Variants in KCNAB2 observed in about 807,000 individuals in gnomAD.
The protein encoded by KCNAB2 is potassium voltage-gated channel subfamily A regulatory beta subunit 2.
A neutral mutation model predicts 63.6 loss-of-function variants in KCNAB2; 29 were observed. That is an observed-to-expected ratio of 0.46 (90% CI 0.34 to 0.62). The LOEUF (loss-of-function observed/expected upper bound fraction) is 0.62. Ranked by LOEUF, KCNAB2 falls within the 20% of genes least tolerant of loss-of-function variation. The pLI is 0.01. For missense variants in KCNAB2, 359 were observed against 563.9 expected, an observed-to-expected ratio of 0.64 and a Z score of 3.68; for synonymous variants, 222 against 224.2, an observed-to-expected ratio of 0.99 and a Z score of 0.09.
intron 1 of KCNAB2, among the ~76,000 whole-genome samples, chr1:6,011,592 C>T (rs973535976): frequency 2.0e-5 from 3 of 152,230 alleles, no homozygotes; most frequent in Admixed American, 6.5e-5. Flanking sequence ...GGCACTTGGA[C>T]GTCATGCTGA....
At chr1:6,083,289 C>T (rs1269093707) in intron 5 of KCNAB2, among the ~76,000 whole-genome samples, 1 of 152,168 alleles carries the variant, frequency 6.6e-6, no homozygotes, top group Non-Finnish European at 1.5e-5. Flanking sequence ...CCGTCCCGAG[C>T]CCCCCACCTC....
chr1:6,076,613 G>T (rs1663685568), intron 4 of KCNAB2, among the ~76,000 whole-genome samples: 1 of 152,252 alleles, frequency 6.6e-6, no homozygotes, highest in Non-Finnish European at 1.5e-5. Flanking sequence ...ATAAACAGGT[G>T]CAGGGGCCTC....
intron 1 of KCNAB2, among the ~76,000 whole-genome samples, chr1:6,012,937 G>A (rs1419693588): frequency 6.6e-6 from 1 of 152,070 alleles, no homozygotes; most frequent in Non-Finnish European, 1.5e-5. Flanking sequence ...CTCGGTCAGG[G>A]ATATAAGCCT....
In KCNAB2 at chr1:6,051,681, A is replaced by G. The variant is rs1006377045; in HGVS notation, c.145A>G (p.Met49Val). The change falls in exon 2 of 16, where the codon ATG (methionine) becomes GTG (valine). Residue 49 changes from methionine to valine, a missense_variant. Physicochemically the swap from Met to Val is conservative, Grantham distance 21 (BLOSUM62 1). Transcript: ENST00000378083. ...GCGGGCGGCTGCCCAGGCCAGGAAC[A>G]TGGAGAGCTTCCTCCGCATGCACGG... ...EVRAAAQARN[M>V]ESFLRMHGLS... The G allele has an allele frequency of 9.7e-5, 149 of 1,533,794 alleles. 1 individual carries two copies. Among genetic ancestry groups the G allele is most frequent in the Non-Finnish European group, 9.4e-5 (108 of 1,146,678 alleles).
upstream of KCNAB2, chr1:6,041,250 T>G (rs1660475232): frequency 6.3e-6 from 1 of 158,602 alleles, no homozygotes. Flanking sequence ...GCTGAGCCTC[T>G]GGGGACAGAG....
At chr1:6,066,769 A>C (rs772548218) in intron 2 of KCNAB2, among the ~76,000 whole-genome samples, 39 of 152,212 alleles carry the variant, frequency 2.6e-4, no homozygotes, top group Non-Finnish European at 4.0e-4. Context: ...GATGGAATGA[A>C]TCTTCCCTCC....
intron 1 of KCNAB2, among the ~76,000 whole-genome samples, chr1:6,021,680 G>A (rs1658828276): frequency 6.6e-6 from 1 of 151,730 alleles, no homozygotes; most frequent in Non-Finnish European, 1.5e-5. Flanking sequence ...AAAGTGCAGT[G>A]GTATTGAGGG....
At chr1:6,016,953 G>C (rs891920404) in intron 1 of KCNAB2, among the ~76,000 whole-genome samples, 1 of 152,176 alleles carries the variant, frequency 6.6e-6, no homozygotes, top group African/African-American at 2.4e-5. Flanking sequence ...GGTCTCACAA[G>C]AGGAAAACCC....
intron 4 of KCNAB2, among the ~76,000 whole-genome samples, chr1:6,079,200 C>T (rs1663980710): frequency 6.6e-6 from 1 of 152,130 alleles, no homozygotes; most frequent in African/African-American, 2.4e-5. Flanking sequence ...GAGTGCCCCT[C>T]CCCCACCCAC....
At chr1:6,084,619 C>A (rs551345926) in intron 5 of KCNAB2, among the ~76,000 whole-genome samples, 6 of 152,158 alleles carry the variant, frequency 3.9e-5, no homozygotes, top group Admixed American at 2.0e-4. Flanking sequence ...AGTTCGAGAC[C>A]AGCCTGGCCA....
chr1:6,037,937 C>T (rs1452554956), intron 1 of KCNAB2, among the ~76,000 whole-genome samples: 2 of 144,374 alleles, frequency 1.4e-5, no homozygotes, highest in Admixed American at 7.2e-5. Flanking sequence ...TGCAGTGGCG[C>T]GAACTCGGCT....
chr1:6,021,556 G>A (rs1205350953), intron 1 of KCNAB2, among the ~76,000 whole-genome samples: 3 of 152,214 alleles, frequency 2.0e-5, no homozygotes, highest in Non-Finnish European at 2.9e-5. Flanking sequence ...GTGGTATTGA[G>A]TATACAGTTC....
intron 1 of KCNAB2, among the ~76,000 whole-genome samples, chr1:6,015,525 T>G (rs2100299310): frequency 6.6e-6 from 1 of 152,372 alleles, no homozygotes; most frequent in Non-Finnish European, 1.5e-5. Context: ...AAATATTTAC[T>G]GTCTGTCCCA....
rs536770802 is a variant in KCNAB2 at position 6,073,551 on chromosome 1, G to A, written c.263-182G>A. Among the ~76,000 whole-genome samples the A allele has an allele frequency of 4.0e-4, 61 of 152,300 alleles. No individual in the cohort carries two copies. Among genetic ancestry groups the A allele is most frequent in the African/African-American group, 1.5e-3 (61 of 41,564 alleles). ...TTGTCCCCTCAGTTTATTGACCCCA[G>A]GAGAGCAGGACTTTCTCTGAAGGCC... On this transcript the variant is annotated intron_variant, in intron 3 of 15. Transcript: ENST00000378083. This position sits in a 1 kb window ranked among gnomAD's most constrained non-coding sequence, Gnocchi z 5.7.
rs2100535814 is a variant in KCNAB2 at position 6,051,731 on chromosome 1, C to T, written c.195C>T (p.Ala65=). 1 of 1,533,400 alleles carries T rather than the reference C, an allele frequency of 6.5e-7. No individual in the cohort carries two copies. Among genetic ancestry groups the T allele is most frequent in the Non-Finnish European group, 8.7e-7 (1 of 1,146,528 alleles). The allele number at this position is 1,533,400 out of a possible 1,614,324, so 95.0% of individuals were successfully genotyped here. A position where few individuals can be genotyped will look rare whatever the true frequency, so the allele number is the denominator to read the frequency against. Residue 65 remains alanine (A), a synonymous_variant, in exon 2 of 16, where the codon GCC becomes GCT. Transcript: ENST00000378083. The part of the protein sequence containing the change: ...MHGLSLDGCT[A]QRTGMKYRNL... The stretch of plus-strand genomic sequence containing the variant: ...GCCTTTCCCTGGACGGCTGCACCGC[C>T]CAGCGCACAGGCATGAAGTATCGGT...
chr1:6,062,039 G>A (rs935522932), intron 2 of KCNAB2, among the ~76,000 whole-genome samples: 13 of 152,104 alleles, frequency 8.5e-5, no homozygotes, highest in African/African-American at 2.7e-4. Context: ...TCAGCCAAGC[G>A]CGGTGGCTCA....
At chr1:6,038,522 C>T (rs1660234816) in intron 1 of KCNAB2, among the ~76,000 whole-genome samples, 1 of 151,804 alleles carries the variant, frequency 6.6e-6, no homozygotes, top group African/African-American at 2.4e-5. Flanking sequence ...TCTGTGTTGC[C>T]CAGGCTGGTC....
chr1:6,077,537 G>A (rs1663768580), intron 4 of KCNAB2, among the ~76,000 whole-genome samples: 2 of 152,236 alleles, frequency 1.3e-5, no homozygotes, highest in African/African-American at 4.8e-5. Context: ...GCCGGACCCT[G>A]CTGATCCGGC....
chr1:6,042,919 C>T (rs770470228), upstream of KCNAB2, among the ~76,000 whole-genome samples: 7 of 145,578 alleles, frequency 4.8e-5, no homozygotes, highest in Non-Finnish European at 9.0e-5. Context: ...ATCTGTGCCA[C>T]GCCTTCAGTG....
Sources: allele counts gnomAD v4.1 joint callset (sites outside exome capture counted in the v4.1 genomes callset), GRCh38; gene constraint gnomAD v4.1.1; non-coding constraint Gnocchi (gnomAD v3.1); transcripts MANE v1.5; gene names NCBI Gene and HGNC (gene_info 2026-07-23, HGNC 2026-07-21).